Variants in BTBD9 observed in about 807,000 individuals in gnomAD.
The protein encoded by BTBD9 is BTB/POZ domain-containing protein 9.
In BTBD9, 49 loss-of-function variants were observed where a neutral mutation model predicts 64.3. That is an observed-to-expected ratio of 0.76 (90% CI 0.61 to 0.97). The LOEUF is 0.97. BTBD9 is among the 50% of genes least tolerant of loss of function. BTBD9 has a pLI of 0.00. For synonymous variants in BTBD9, 260 were observed against 274.7 expected, an observed-to-expected ratio of 0.95 and a Z score of 0.53; for missense variants, 598 against 762.1, an observed-to-expected ratio of 0.78 and a Z score of 2.53.
intron 6 of BTBD9, among the ~76,000 whole-genome samples, chr6:38,506,278 A>G (rs762114753): frequency 1.3e-5 from 2 of 152,244 alleles, no homozygotes; most frequent in Non-Finnish European, 2.9e-5. Flanking sequence ...CTTACCAAAC[A>G]TCATAGCTTA....
At chr6:38,228,344 C>CT (rs1763474271) in intron 9 of BTBD9, among the ~76,000 whole-genome samples, 1 of 66,376 alleles carries the variant, frequency 1.5e-5, no homozygotes, top group Non-Finnish European at 3.6e-5. Context: ...GACCCTGTCC[C>CT]CCCCCCCAAA....
At chr6:38,311,428 A>C (rs1762829957) in intron 7 of BTBD9, among the ~76,000 whole-genome samples, 1 of 152,242 alleles carries the variant, frequency 6.6e-6, no homozygotes, top group African/African-American at 2.4e-5. Context: ...TTTATGGCTG[A>C]ATAAGTGCTC....
chr6:38,306,119 A>C (rs1469834516), intron 7 of BTBD9, among the ~76,000 whole-genome samples: 1 of 152,214 alleles, frequency 6.6e-6, no homozygotes, highest in East Asian at 1.9e-4. Context: ...TCCCAGAGGA[A>C]CTGGGCCACT....
intron 9 of BTBD9, among the ~76,000 whole-genome samples, chr6:38,247,155 T>TAA (rs5875623): frequency 1.8e-3 from 266 of 149,026 alleles, no homozygotes; most frequent in African/African-American, 3.8e-3. Context: ...AAAGAAGATG[T>TAA]AAAAAAAAAA....
chr6:38,352,134 C>T (rs2395698), intron 6 of BTBD9, among the ~76,000 whole-genome samples: 83,875 of 151,876 alleles, frequency 0.55, 23,517 homozygotes, highest in East Asian at 0.83. Context: ...CCTAGCACTT[C>T]AGGAGGCCAA....
In BTBD9 at chr6:38,169,807, T is replaced by G; in HGVS notation, c.*5178A>C. 1 of 119,174 alleles carries G rather than the reference T, an allele frequency of 8.4e-6. No individual in the cohort carries two copies. The highest frequency in any genetic ancestry group is 2.9e-4 in the South Asian group (1 of 3,480). The allele number at this position is 119,174 out of a possible 1,614,324, so 7.4% of individuals were successfully genotyped here. On this transcript the variant is annotated 3_prime_UTR_variant, in exon 11 of 11. Coordinates refer to ENST00000481247, the MANE Select transcript of BTBD9 (RefSeq NM_001099272.2). ...GGCTATAAATACTCACGGACGCAAA[T>G]GGTAAATGCTCCCAGACATTTATCA... is the stretch of plus-strand genomic sequence containing the variant.
intron 9 of BTBD9, among the ~76,000 whole-genome samples, chr6:38,231,515 T>A (rs1763603964): frequency 6.6e-6 from 1 of 152,222 alleles, no homozygotes. Flanking sequence ...AATATAACAT[T>A]AAGGGCAAGG....
intron 6 of BTBD9, among the ~76,000 whole-genome samples, chr6:38,407,965 A>C (rs1435301568): frequency 1.3e-5 from 2 of 152,188 alleles, no homozygotes; most frequent in African/African-American, 4.8e-5. Flanking sequence ...TTTTGGAGAT[A>C]ATTTATTTTT....
chr6:38,214,349 G>A lies in BTBD9; in HGVS notation c.1563-21752C>T, dbSNP rs565518884. ...GGCATTATGCCAGTGCCAGAGTGTA[G>A]CAAGGACTGACCTAGCCCGCTGGCT... On this transcript the variant is annotated intron_variant, in intron 9 of 10. Transcript: ENST00000481247. Among the ~76,000 whole-genome samples the A allele has an allele frequency of 2.0e-4, 31 of 152,390 alleles. No homozygotes were observed. In the South Asian group the frequency reaches 6.2e-3, roughly 31 times the overall value.
At chr6:38,606,700 T>C (rs1030424412) in intron 1 of BTBD9, among the ~76,000 whole-genome samples, 1 of 152,206 alleles carries the variant, frequency 6.6e-6, no homozygotes, top group Admixed American at 6.5e-5. Flanking sequence ...CTAACAATAA[T>C]GGCTACTATT....
intron 6 of BTBD9, among the ~76,000 whole-genome samples, chr6:38,412,196 AT>A (rs1219098135): frequency 6.6e-6 from 1 of 152,120 alleles, no homozygotes; most frequent in African/African-American, 2.4e-5. Context: ...CTGAGAAAAA[AT>A]ATCTGCGACT....
At chr6:38,315,842 A>T (rs1284229858) in intron 7 of BTBD9, among the ~76,000 whole-genome samples, 1 of 152,230 alleles carries the variant, frequency 6.6e-6, no homozygotes, top group Non-Finnish European at 1.5e-5. Context: ...TCTATAGCAC[A>T]GAGTAAGTCT....
At chr6:38,541,465 G>A (rs548986893) in intron 6 of BTBD9, among the ~76,000 whole-genome samples, 16 of 152,252 alleles carry the variant, frequency 1.1e-4, no homozygotes, top group South Asian at 6.2e-4. Context: ...CTGGCCAGGC[G>A]CAGTGGCTCA....
intron 7 of BTBD9, among the ~76,000 whole-genome samples, chr6:38,293,178 T>C (rs1241967997): frequency 6.6e-6 from 1 of 152,164 alleles, no homozygotes; most frequent in Non-Finnish European, 1.5e-5. Context: ...CACAAACGAA[T>C]GGAAAAACAT....
At chr6:38,256,998 C>T (rs1324054514) in intron 8 of BTBD9, among the ~76,000 whole-genome samples, 3 of 151,768 alleles carry the variant, frequency 2.0e-5, no homozygotes, top group Admixed American at 2.0e-4. Context: ...TAGCCTCCAA[C>T]TCCTAGGCTC....
intron 8 of BTBD9, among the ~76,000 whole-genome samples, chr6:38,274,741 G>A (rs1765320472): frequency 6.6e-6 from 1 of 152,118 alleles, no homozygotes; most frequent in Non-Finnish European, 1.5e-5. Context: ...ACTTGATCAT[G>A]GTGGATAAGC....
rs533451151 is a variant in BTBD9 at position 38,522,361 on chromosome 6, A to ACAT, written c.1154+55238_1154+55239insATG. ...TTCACATTTATACTTCTCAAATTAA[A>ACAT]GTCCCTATACTCTACTGAAACTTCA... On this transcript the variant is annotated intron_variant, in intron 6 of 10. Coordinates refer to ENST00000481247, the MANE Select transcript of BTBD9 (RefSeq NM_001099272.2). 1.9e-3 allele frequency among the ~76,000 whole-genome samples: 99 copies of ACAT among 52,504 alleles called. 1 individual carries two copies. Among genetic ancestry groups the ACAT allele is most frequent in the African/African-American group, 4.5e-3 (90 of 19,898 alleles). The allele number at this position is 52,504 out of a possible 152,430, so 34.4% of individuals were successfully genotyped here. A position where few individuals can be genotyped will look rare whatever the true frequency, so the allele number is the denominator to read the frequency against.
intron 6 of BTBD9, among the ~76,000 whole-genome samples, chr6:38,416,366 G>A (rs925501229): frequency 6.8e-6 from 1 of 147,772 alleles, no homozygotes; most frequent in African/African-American, 2.5e-5. Flanking sequence ...ATGGAGTCTT[G>A]CTCTGTCACC....
intron 6 of BTBD9, among the ~76,000 whole-genome samples, chr6:38,513,859 C>T (rs964831127): frequency 6.6e-6 from 1 of 152,160 alleles, no homozygotes; most frequent in Non-Finnish European, 1.5e-5. Context: ...GCCTTACTAA[C>T]ATATTCCAGG....
Sources: allele counts gnomAD v4.1 joint callset (sites outside exome capture counted in the v4.1 genomes callset), GRCh38; gene constraint gnomAD v4.1.1; transcripts MANE v1.5; gene names NCBI Gene and HGNC (gene_info 2026-07-23, HGNC 2026-07-21).